Variants in GPN3 observed in about 807,000 individuals in gnomAD.
GPN3 encodes GPN-loop GTPase 3.
GPN3 carries 31 observed loss-of-function variants against 38.7 expected under a neutral mutation model. That is an observed-to-expected ratio of 0.80 (90% CI 0.60 to 1.08). The LOEUF (loss-of-function observed/expected upper bound fraction) is 1.08. GPN3 is among the 50% of genes least tolerant of loss of function. GPN3 has a pLI of 0.00. For missense variants in GPN3, 301 were observed against 354.4 expected, an observed-to-expected ratio of 0.85 and a Z score of 1.21; for synonymous variants, 116 against 120.2, an observed-to-expected ratio of 0.96 and a Z score of 0.23.
At chr12:110,466,001 C>T (rs1018131074) in intron 1 of GPN3, among the ~76,000 whole-genome samples, 13 of 151,614 alleles carry the variant, frequency 8.6e-5, no homozygotes, top group Non-Finnish European at 1.3e-4. Flanking sequence ...CGCTTGAACC[C>T]GGGAGGCAGA....
At chr12:110,462,826 G>A (rs934502954) in intron 2 of GPN3, among the ~76,000 whole-genome samples, 11 of 151,914 alleles carry the variant, frequency 7.2e-5, no homozygotes, top group African/African-American at 2.7e-4. Context: ...GCGCGATCTC[G>A]GCTCACCGCA....
chr12:110,461,071 C>T (rs1200661769), intron 2 of GPN3: 6 of 1,547,842 alleles, frequency 3.9e-6, no homozygotes, highest in African/African-American at 2.7e-5. Context: ...ACACCATCAA[C>T]ATTCACAAGC....
intron 1 of GPN3, among the ~76,000 whole-genome samples, chr12:110,466,183 A>G (rs1483903016): frequency 2.6e-5 from 4 of 152,190 alleles, no homozygotes; most frequent in African/African-American, 9.7e-5. Context: ...CGCAATACCT[A>G]GTACATAATA....
chr12:110,468,456 G>C (rs2062653787), upstream of GPN3: 5 of 1,536,836 alleles, frequency 3.3e-6, no homozygotes, highest in Non-Finnish European at 4.4e-6. Context: ...TTGGGATGCT[G>C]TCTAAGCTTG....
At chr12:110,464,654 G>A (rs149844316) in intron 2 of GPN3, 3,502 of 153,970 alleles carry the variant, frequency 0.023, 145 homozygotes, top group African/African-American at 0.081. Flanking sequence ...GTGCAGTGGC[G>A]CAATCTCGGC....
chr12:110,461,675 T>C (rs1565844535), intron 2 of GPN3, among the ~76,000 whole-genome samples: 1 of 152,108 alleles, frequency 6.6e-6, no homozygotes, highest in Admixed American at 6.6e-5. Context: ...GGAATCAGTA[T>C]ATAGAATCTT....
chr12:110,453,265 C>T (rs2062526057), intron 7 of GPN3, among the ~76,000 whole-genome samples, 169 bp from the exon 8 acceptor site: 1 of 152,132 alleles, frequency 6.6e-6, no homozygotes, highest in Non-Finnish European at 1.5e-5. Context: ...GCATGATTGA[C>T]AGATTTTTTT....
intron 2 of GPN3, among the ~76,000 whole-genome samples, chr12:110,460,349 T>C (rs1464339513): frequency 1.3e-5 from 2 of 152,206 alleles, no homozygotes; most frequent in African/African-American, 4.8e-5. Context: ...TCCTGTATAC[T>C]TACTCTTTAG....
At chr12:110,457,485 A>AAT in intron 4 of GPN3, 25 bp downstream of exon 4, 17 of 1,234,034 alleles carry the variant, frequency 1.4e-5, no homozygotes, top group African/African-American at 5.2e-5. Context: ...AAAAAAAAAA[A>AAT]TCTGTAAGAG....
rs1437116122 is a variant in GPN3 at position 110,458,759 on chromosome 12, G to A, written c.325+936C>T. ...GGCGCCATCATACTCCAGCCTGGGT[G>A]ACAGGAATGAAACTCAGTCTCAAAA... On this transcript the variant is annotated intron_variant, in intron 3 of 7. Transcript: ENST00000228827. The surrounding 1 kb of genome is among the most constrained non-coding windows in gnomAD (Gnocchi z 4.4). 1.3e-5 allele frequency among the ~76,000 whole-genome samples: 2 copies of A among 151,158 alleles called. No homozygotes were observed. Among genetic ancestry groups the A allele is most frequent in the Non-Finnish European group, 2.9e-5 (2 of 67,908 alleles).
At chr12:110,461,969 G>A (rs2135524024) in intron 2 of GPN3, among the ~76,000 whole-genome samples, 1 of 152,204 alleles carries the variant, frequency 6.6e-6, no homozygotes, top group Admixed American at 6.5e-5. Flanking sequence ...AGCCTCCTGA[G>A]TGGCTGGGAA....
Position 110,457,596 on chromosome 12 carries a change from G to T in GPN3, c.364C>A (p.Gln122Lys). ...ELYTHLPVMK[Q>K]LVQQLEQWEF... ...CACTGCTCGAGCTGCTGGACCAGCT[G>T]TTTCATCACAGGCAGGTGAGTGTAC... The change falls in exon 4 of 8, where the codon CAG becomes AAG. Residue 122 changes from glutamine to lysine, a missense_variant. By Grantham distance (53) the Gln-to-Lys change is moderately conservative. Coordinates refer to ENST00000228827, the MANE Select transcript of GPN3 (RefSeq NM_016301.4). 1 of 1,605,494 alleles carries T rather than the reference G, an allele frequency of 6.2e-7. No homozygotes were observed. Among genetic ancestry groups the T allele is most frequent in the Non-Finnish European group, 8.5e-7 (1 of 1,174,184 alleles).
At chr12:110,454,439 C>T (rs1208430825) in intron 6 of GPN3, among the ~76,000 whole-genome samples, 1 of 150,858 alleles carries the variant, frequency 6.6e-6, no homozygotes, top group Non-Finnish European at 1.5e-5. Flanking sequence ...GCTCAACCTC[C>T]ACCTCCAGGT....
chr12:110,455,925 A>T lies in GPN3; in HGVS notation c.456T>A (p.Ile152=). 1 of 1,535,150 alleles carries T rather than the reference A, an allele frequency of 6.5e-7. No homozygotes were observed. Among genetic ancestry groups the T allele is most frequent in the Non-Finnish European group, 9.0e-7 (1 of 1,108,124 alleles). ...SQFMVESFKF[I]SGILAALSAM... ...CACTCAGGGCTGCCAAGATGCCAGA[A>T]ATAAACTGAAGGAGGAAACAGAAAA... Residue 152 remains isoleucine (I), a synonymous_variant, in exon 5 of 8, where the codon ATT becomes ATA. Transcript: ENST00000228827.
chr12:110,465,058 A>G (rs746292382), intron 2 of GPN3, 48 bp downstream of exon 2: 1 of 952,948 alleles, frequency 1.0e-6, no homozygotes, highest in Non-Finnish European at 1.7e-6. Context: ...CTGCCTCCCC[A>G]GCCCTTACTG....
chr12:110,459,916 C>T, intron 2 of GPN3, 54 bp from the exon 3 acceptor site: 1 of 1,405,808 alleles, frequency 7.1e-7, no homozygotes, highest in Non-Finnish European at 9.9e-7. Context: ...AAATTGTTAT[C>T]CTTACTAGAA....
chr12:110,465,066 C>T (rs372710544), intron 2 of GPN3, 40 bp downstream of exon 2: 37 of 1,024,406 alleles, frequency 3.6e-5, no homozygotes, highest in Non-Finnish European at 4.5e-5. Context: ...CCAGCCCTTA[C>T]TGTTCCTGAA....
chr12:110,466,561 C>G (rs1185477149), intron 1 of GPN3, among the ~76,000 whole-genome samples: 2 of 151,796 alleles, frequency 1.3e-5, no homozygotes, highest in Non-Finnish European at 2.9e-5. Context: ...TGCAGTGGCA[C>G]CATCATAGCT....
chr12:110,461,401 G>C, intron 2 of GPN3: 190 of 317,692 alleles, frequency 6.0e-4, no homozygotes, highest in Middle Eastern at 4.0e-3. Context: ...TTATAAAATT[G>C]AAAAAAAAAA....
Sources: allele counts gnomAD v4.1 joint callset (sites outside exome capture counted in the v4.1 genomes callset), GRCh38; gene constraint gnomAD v4.1.1; non-coding constraint Gnocchi (gnomAD v3.1); transcripts MANE v1.5; gene names NCBI Gene and HGNC (gene_info 2026-07-23, HGNC 2026-07-21).